EYA4: variants seen among roughly 807,000 people sequenced by gnomAD.
EYA4 encodes the protein EYA transcriptional coactivator and phosphatase 4.
EYA4 carries 31 observed loss-of-function variants against 87.9 expected under a neutral mutation model. The observed-to-expected ratio is 0.35, with a 90% CI of 0.27 to 0.48. The LOEUF (loss-of-function observed/expected upper bound fraction) is 0.48. Among genes scored for constraint, EYA4 ranks in the 20% least tolerant of loss-of-function variants. The pLI, the probability that EYA4 is intolerant of heterozygous loss-of-function variation, is 0.99. For synonymous variants in EYA4, 263 were observed against 270.6 expected, an observed-to-expected ratio of 0.97 and a Z score of 0.28; for missense variants, 678 against 761.4, an observed-to-expected ratio of 0.89 and a Z score of 1.29.
At chr6:133,307,127 T>C (rs1779868767) in intron 2 of EYA4, among the ~76,000 whole-genome samples, 1 of 152,216 alleles carries the variant, frequency 6.6e-6, no homozygotes, top group Non-Finnish European at 1.5e-5. Flanking sequence ...ACATGATGAA[T>C]GTGAGGCGAG....
At chr6:133,303,568 T>C (rs930880400) in intron 2 of EYA4, among the ~76,000 whole-genome samples, 1 of 152,200 alleles carries the variant, frequency 6.6e-6, no homozygotes, top group Admixed American at 6.5e-5. Flanking sequence ...TGCCTTCCTC[T>C]ATTTCTGGGG....
chr6:133,462,281 T>G, intron 7 of EYA4, 54 bp from the exon 8 acceptor site: 4 of 1,592,974 alleles, frequency 2.5e-6, no homozygotes, highest in Non-Finnish European at 3.4e-6. Context: ...CTAGGCTGTC[T>G]AAATTAATAC....
intron 2 of EYA4, among the ~76,000 whole-genome samples, chr6:133,312,413 G>T (rs1780299130): frequency 6.6e-6 from 1 of 150,510 alleles, no homozygotes; most frequent in African/African-American, 2.5e-5. Context: ...CACACACAGA[G>T]ATAAAGCAAG....
chr6:133,329,670 AC>A (rs1781768826), intron 2 of EYA4, among the ~76,000 whole-genome samples: 1 of 152,132 alleles, frequency 6.6e-6, no homozygotes, highest in African/African-American at 2.4e-5. Flanking sequence ...TCTAGTTCAT[AC>A]CAATAAAATG....
Position 133,530,030 on chromosome 6 carries a change from C to G in EYA4, c.*1225C>G, listed in dbSNP as rs948327156. 2.9e-5 allele frequency: 29 copies of G among 984,960 alleles called. No homozygotes were observed. Among genetic ancestry groups the G allele is most frequent in the African/African-American group, 3.5e-5 (2 of 57,198 alleles). The allele number at this position is 984,960 out of a possible 1,614,324, so 61.0% of individuals were successfully genotyped here. The stretch of plus-strand genomic sequence containing the variant: ...AGCTAAGTATGTTTATTCCCAATGC[C>G]ATGGCAAAAATGATAATATCATCAG... On this transcript the variant is annotated 3_prime_UTR_variant, in exon 20 of 20. Transcript: ENST00000355286.
At chr6:133,434,335 C>T (rs565540459) in intron 3 of EYA4, among the ~76,000 whole-genome samples, 1 of 152,296 alleles carries the variant, frequency 6.6e-6, no homozygotes, top group South Asian at 2.1e-4. Flanking sequence ...AATGAAAGGG[C>T]TGCCTCTTAA....
chr6:133,455,950 C>T (rs11965660), intron 5 of EYA4, among the ~76,000 whole-genome samples: 2,992 of 152,166 alleles, frequency 0.02, 89 homozygotes, highest in African/African-American at 0.068. Context: ...GGTGTACTTG[C>T]TGCTGTAGAA....
intron 3 of EYA4, among the ~76,000 whole-genome samples, chr6:133,410,129 T>A (rs1450534222): frequency 1.3e-5 from 2 of 152,290 alleles, no homozygotes; most frequent in African/African-American, 4.8e-5. Context: ...TATATAGATA[T>A]ATAGTCAGAT....
chr6:133,343,684 A>G (rs1583014108), intron 2 of EYA4, among the ~76,000 whole-genome samples: 2 of 151,746 alleles, frequency 1.3e-5, no homozygotes, highest in East Asian at 3.9e-4. Flanking sequence ...ATAACACACC[A>G]CATTACTATT....
chr6:133,501,822 C>T (rs1269620980), intron 13 of EYA4, among the ~76,000 whole-genome samples: 1 of 152,080 alleles, frequency 6.6e-6, no homozygotes, highest in Non-Finnish European at 1.5e-5. Flanking sequence ...ACAGTGTGTC[C>T]CTAGAGGAGG....
At chr6:133,282,358 G>A (rs993628127) in intron 2 of EYA4, among the ~76,000 whole-genome samples, 1 of 152,070 alleles carries the variant, frequency 6.6e-6, no homozygotes, top group Non-Finnish European at 1.5e-5. Flanking sequence ...TTAAGCATTT[G>A]TTCATGTTTG....
chr6:133,509,288 A>G (rs1240099616), intron 14 of EYA4, among the ~76,000 whole-genome samples: 1 of 152,138 alleles, frequency 6.6e-6, no homozygotes, highest in African/African-American at 2.4e-5. Context: ...CTGGAATTAA[A>G]TGATTTCTAC....
At chr6:133,483,587 C>T (rs1028603250) in intron 13 of EYA4, among the ~76,000 whole-genome samples, 4 of 151,664 alleles carry the variant, frequency 2.6e-5, no homozygotes, top group African/African-American at 9.7e-5. Context: ...GAACAGCAAC[C>T]GAGGTAACAC....
At chr6:133,359,472 G>A (rs1784306452) in intron 2 of EYA4, among the ~76,000 whole-genome samples, 1 of 152,178 alleles carries the variant, frequency 6.6e-6, no homozygotes, top group Admixed American at 6.5e-5. Context: ...TCTGTCTGCT[G>A]TTGGGTTGCT....
intron 2 of EYA4, among the ~76,000 whole-genome samples, chr6:133,284,845 T>A (rs76833833): frequency 0.056 from 8,498 of 152,148 alleles, 802 homozygotes; most frequent in African/African-American, 0.19. Flanking sequence ...ACTTATATTC[T>A]TGTGGAGGGG....
At chr6:133,339,761 G>A (rs1277971090) in intron 2 of EYA4, among the ~76,000 whole-genome samples, 1 of 152,142 alleles carries the variant, frequency 6.6e-6, no homozygotes, top group African/African-American at 2.4e-5. Flanking sequence ...GTTCTAACTT[G>A]GTTGAACTCT....
intron 2 of EYA4, among the ~76,000 whole-genome samples, chr6:133,343,896 A>C (rs1214337825): frequency 6.6e-6 from 1 of 152,142 alleles, no homozygotes; most frequent in African/African-American, 2.4e-5. Flanking sequence ...ATGGACTCTT[A>C]TGATATATAC....
intron 17 of EYA4, among the ~76,000 whole-genome samples, chr6:133,516,268 A>C (rs1187230109): frequency 1.3e-5 from 2 of 152,146 alleles, no homozygotes; most frequent in African/African-American, 4.8e-5. Flanking sequence ...AGAGAATCAG[A>C]AAGAGTAACT....
At chr6:133,410,663 C>T (rs1371256813) in intron 3 of EYA4, among the ~76,000 whole-genome samples, 5 of 113,436 alleles carry the variant, frequency 4.4e-5, no homozygotes, top group Admixed American at 2.5e-4. Context: ...GTGTTTTCCC[C>T]GTTTGCATTG....
Sources: gnomAD v4.1 joint callset for allele counts (sites outside exome capture counted in the v4.1 genomes callset) on GRCh38, gnomAD v4.1.1 for gene constraint, MANE v1.5 for transcripts, NCBI Gene and HGNC (gene_info 2026-07-23, HGNC 2026-07-21) for gene names.